Variants in ZDHHC11B observed in about 807,000 individuals in gnomAD.
ZDHHC11B encodes zDHHC palmitoyltransferase 11B (putative).
Under a neutral mutation model 42.3 loss-of-function variants are expected in ZDHHC11B, and 17 were observed. That is an observed-to-expected ratio of 0.40 (90% CI 0.27 to 0.60). The LOEUF is 0.60. Among genes scored for constraint, ZDHHC11B ranks in the 20% least tolerant of loss-of-function variants. The pLI is 0.41. For missense variants in ZDHHC11B, 262 were observed against 463.2 expected (o/e 0.57, Z 3.99); for synonymous variants, 123 against 193.5 (o/e 0.64, Z 3.02).
chr5:778,369 C>T (rs1211526133), intron 1 of ZDHHC11B, among the ~76,000 whole-genome samples: 9 of 151,008 alleles, frequency 6.0e-5, no homozygotes, highest in Non-Finnish European at 1.2e-4. Flanking sequence ...GACTCTCACG[C>T]GGGGCACACC....
At position 710,887 on chromosome 5, in the gene ZDHHC11B, A is replaced by G. The variant is rs878909804; in HGVS notation, c.*1403T>C. On this transcript the variant is annotated 3_prime_UTR_variant, in exon 14 of 14. Transcript: ENST00000508859. ...CCCATTTCCCAGTACTGTGCTCCCA[A>G]TTCCCAGTACTGTGCTCCCATTTCC... 6.2e-5 allele frequency: 3 copies of G among 48,652 alleles called. No individual in the cohort carries two copies. In the East Asian group the frequency reaches 2.2e-3, roughly 35 times the overall value. The allele number at this position is 48,652 out of a possible 1,614,324, so 3.0% of individuals were successfully genotyped here.
intron 4 of ZDHHC11B, among the ~76,000 whole-genome samples, chr5:766,192 A>G (rs1289709496): frequency 1.5e-4 from 23 of 151,844 alleles, no homozygotes; most frequent in East Asian, 5.8e-4. Flanking sequence ...GGGAGCAGAC[A>G]TGAGTCCCCG....
intron 13 of ZDHHC11B, among the ~76,000 whole-genome samples, chr5:715,891 C>A (rs1274977506): frequency 6.6e-6 from 1 of 151,484 alleles, no homozygotes; most frequent in Non-Finnish European, 1.5e-5. Flanking sequence ...GCCTGGAGCA[C>A]AGGAACTCTG....
chr5:722,765 AG>A lies in ZDHHC11B; in HGVS notation c.1059-5901del, dbSNP rs1742285469. On this transcript the variant is annotated intron_variant, in intron 12 of 13. Coordinates refer to ENST00000508859, the MANE Select transcript of ZDHHC11B (RefSeq NM_001351303.2). ...CCATCTCCATGCCCAACCATAGCAGAGGGGGTAATTAAGTGTGGTACGGGGT... is the reference window on the plus strand; with the variant it reads ...CCATCTCCATGCCCAACCATAGCAGAGGGGTAATTAAGTGTGGTACGGGGT... Among the ~76,000 whole-genome samples the A allele has an allele frequency of 2.0e-5, 3 of 151,394 alleles. 1 individual carries two copies. The South Asian group carries it at 6.3e-4, about 32-fold the overall frequency.
chr5:730,436 A>C lies in ZDHHC11B; in HGVS notation c.1056T>G (p.Leu352=). ...EADDAPSTST[L]GLQQETTEPM... ...TCCCATTAAACTTACGAACTTACCC[A>C]AGTGTAGATGTACTCGGGGCATCAT... The change falls in exon 12 of 14, where the codon CTT becomes CTG. Residue 352 remains leucine (L), a splice_region_variant and synonymous_variant. Coordinates refer to ENST00000508859, the MANE Select transcript of ZDHHC11B (RefSeq NM_001351303.2). 6.3e-7 allele frequency: 1 copy of C among 1,578,958 alleles called. No homozygotes were observed.
chr5:778,032 GA>G (rs1379430905), intron 1 of ZDHHC11B, among the ~76,000 whole-genome samples: 1 of 151,932 alleles, frequency 6.6e-6, no homozygotes, highest in Non-Finnish European at 1.5e-5. Context: ...AGTGCTGGGG[GA>G]CCCGGCGCAC....
In ZDHHC11B at chr5:775,425, G is replaced by A. The variant is rs544062991; in HGVS notation, c.-229-6495C>T. Among the ~76,000 whole-genome samples the A allele has an allele frequency of 4.6e-4, 70 of 152,094 alleles. 2 individuals carry two copies. Among genetic ancestry groups the A allele is most frequent in the Admixed American group, 3.4e-3 (52 of 15,270 alleles). ...AGCCTGAGGGAGAACCTGTCTCTGC[G>A]GAGAAAGACTCTGTGATGGCAGCCA... is the stretch of plus-strand genomic sequence containing the variant. On this transcript the variant is annotated intron_variant, in intron 1 of 13. Coordinates refer to ENST00000508859, the MANE Select transcript of ZDHHC11B (RefSeq NM_001351303.2).
intron 6 of ZDHHC11B, among the ~76,000 whole-genome samples, chr5:751,988 C>T (rs1745837129): frequency 1.6e-5 from 2 of 121,972 alleles, no homozygotes; most frequent in Admixed American, 9.7e-5. Flanking sequence ...ACGGCGTCTC[C>T]AGTGTCACAG....
At chr5:724,697 A>C (rs1458967099) in intron 12 of ZDHHC11B, among the ~76,000 whole-genome samples, 1 of 149,968 alleles carries the variant, frequency 6.7e-6, no homozygotes, top group Non-Finnish European at 1.5e-5. Context: ...ACAGACACAC[A>C]GATGCATACT....
chr5:728,046 G>A (rs1232789082), intron 12 of ZDHHC11B, among the ~76,000 whole-genome samples: 2 of 149,766 alleles, frequency 1.3e-5, no homozygotes, highest in African/African-American at 4.9e-5. Context: ...TATCCCTAAT[G>A]TGCAAAGAGC....
chr5:776,025 GC>G (rs1462911083), intron 1 of ZDHHC11B, among the ~76,000 whole-genome samples: 7 of 148,148 alleles, frequency 4.7e-5, no homozygotes, highest in Non-Finnish European at 1.0e-4. Context: ...CCTGGCCTCC[GC>G]AGGCTCAGCT....
intron 4 of ZDHHC11B, 105 bp downstream of exon 4, chr5:766,593 G>C (rs1735416447): frequency 8.0e-7 from 1 of 1,245,920 alleles, no homozygotes. Context: ...CAGGACAGGT[G>C]ACTGGTGCCA....
In ZDHHC11B at chr5:743,797, T is replaced by C. The variant is rs1421557716; in HGVS notation, c.900+1386A>G. 3.3e-5 allele frequency among the ~76,000 whole-genome samples: 5 copies of C among 149,958 alleles called. 1 individual carries two copies. The highest frequency in any genetic ancestry group is 7.4e-5 in the Non-Finnish European group (5 of 67,672). ...TAACTAGGTCTTAAAACATACTTTTTAGGTTTCATCGTCTGCAAATAAACG... is the reference window on the plus strand; with the variant it reads ...TAACTAGGTCTTAAAACATACTTTTCAGGTTTCATCGTCTGCAAATAAACG... On this transcript the variant is annotated intron_variant, in intron 9 of 13. Coordinates refer to ENST00000508859, the MANE Select transcript of ZDHHC11B (RefSeq NM_001351303.2).
chr5:717,769 C>T (rs554923745), intron 12 of ZDHHC11B, among the ~76,000 whole-genome samples: 13 of 151,896 alleles, frequency 8.6e-5, no homozygotes, highest in African/African-American at 2.9e-4. Flanking sequence ...TGCTGCAGAA[C>T]CTGGAAGAGA....
intron 12 of ZDHHC11B, among the ~76,000 whole-genome samples, chr5:722,335 A>T (rs1482517396): frequency 2.0e-5 from 3 of 151,762 alleles, no homozygotes; most frequent in Non-Finnish European, 4.4e-5. Flanking sequence ...AAGAATATAT[A>T]AAAACTCATA....
intron 1 of ZDHHC11B, among the ~76,000 whole-genome samples, chr5:774,290 G>A (rs1432876639): frequency 6.6e-6 from 1 of 152,142 alleles, no homozygotes; most frequent in Non-Finnish European, 1.5e-5. Context: ...CAGGGCTGGG[G>A]AAACAGCAGC....
intron 12 of ZDHHC11B, among the ~76,000 whole-genome samples, chr5:724,428 T>G (rs866258559): frequency 4.9e-4 from 64 of 131,610 alleles, no homozygotes; most frequent in Admixed American, 1.0e-3. Flanking sequence ...CAGGCTGGAG[T>G]GCAGTGGCAC....
chr5:720,354 G>T (rs1400028407), intron 12 of ZDHHC11B, among the ~76,000 whole-genome samples: 1 of 151,782 alleles, frequency 6.6e-6, no homozygotes, highest in Non-Finnish European at 1.5e-5. Context: ...GAGGCTCAAA[G>T]GCAGTGGGGT....
chr5:722,618 C>T (rs1230680832), intron 12 of ZDHHC11B, among the ~76,000 whole-genome samples: 10 of 151,652 alleles, frequency 6.6e-5, no homozygotes, highest in African/African-American at 2.4e-4. Flanking sequence ...GGCCTTATCT[C>T]TGAGAGCTGG....
Sources: allele counts gnomAD v4.1 joint callset (sites outside exome capture counted in the v4.1 genomes callset), GRCh38; gene constraint gnomAD v4.1.1; transcripts MANE v1.5; gene names NCBI Gene and HGNC (gene_info 2026-07-23, HGNC 2026-07-21).